Variants in WDR47 observed in about 807,000 individuals in gnomAD.
WDR47 encodes WD repeat-containing protein 47.
A neutral mutation model predicts 97.2 loss-of-function variants in WDR47; 32 were observed. The observed-to-expected ratio is 0.33, with a 90% confidence interval of 0.25 to 0.44. WDR47 has a LOEUF of 0.44. Ranked by LOEUF, WDR47 falls within the 20% of genes least tolerant of loss-of-function variation. WDR47 has a pLI of 1.00. For missense variants in WDR47, 782 were observed against 1,102.3 expected, an observed-to-expected ratio of 0.71 and a Z score of 4.11; for synonymous variants, 375 against 373.5, an observed-to-expected ratio of 1.00 and a Z score of -0.05.
Position 109,026,349 on chromosome 1 carries a change from C to CT in WDR47, c.-9-2829dup, listed in dbSNP as rs57431054. 1.2e-4 allele frequency among the ~76,000 whole-genome samples: 18 copies of CT among 145,774 alleles called. No homozygotes were observed. The East Asian group carries it at 2.2e-3, about 18-fold the overall frequency. ...TACAGGGATGAGCCACCGTGCCCAC[C>CT]TTTTTTTTTTTTTCAGGTTATCCGT... On this transcript the variant is annotated intron_variant, in intron 1 of 14. Transcript: ENST00000369962.
At chr1:109,029,082 T>C (rs1662431362) in intron 1 of WDR47, among the ~76,000 whole-genome samples, 1 of 152,178 alleles carries the variant, frequency 6.6e-6, no homozygotes, top group South Asian at 2.1e-4. Context: ...TAGATACAAT[T>C]AACATACACT....
At chr1:109,019,429 T>TC (rs1361271082) in intron 2 of WDR47, among the ~76,000 whole-genome samples, 1 of 147,052 alleles carries the variant, frequency 6.8e-6, no homozygotes, top group Admixed American at 6.8e-5. Context: ...ACACCTGTAA[T>TC]CCCAACATGT....
chr1:108,986,365 G>GA (rs1658807541), intron 10 of WDR47, among the ~76,000 whole-genome samples, 158 bp downstream of exon 10: 1 of 152,140 alleles, frequency 6.6e-6, no homozygotes, highest in African/African-American at 2.4e-5. Flanking sequence ...CCTAAGCACT[G>GA]AAAGTAAAAA....
chr1:108,984,158 T>C (rs1055739147), intron 10 of WDR47, among the ~76,000 whole-genome samples: 5 of 152,246 alleles, frequency 3.3e-5, no homozygotes, highest in African/African-American at 9.6e-5. Flanking sequence ...ATGTGGTGGG[T>C]GAGGCACTGC....
At chr1:109,023,973 T>C (rs1271177644) in intron 1 of WDR47, among the ~76,000 whole-genome samples, 2 of 152,206 alleles carry the variant, frequency 1.3e-5, no homozygotes, top group Admixed American at 6.5e-5. Context: ...ATGTCCCAAA[T>C]ACATTGTCCC....
intron 2 of WDR47, 29 bp from the exon 3 acceptor site, chr1:109,017,630 T>A: frequency 6.3e-7 from 1 of 1,575,764 alleles, no homozygotes. Flanking sequence ...AAAACCAGCA[T>A]GTCACCAAAT....
intron 7 of WDR47, among the ~76,000 whole-genome samples, chr1:109,001,442 CA>C (rs909396984): frequency 7.3e-5 from 11 of 151,542 alleles, no homozygotes; most frequent in East Asian, 1.9e-4. Context: ...TACAGCAAAT[CA>C]AAAAAAATCT....
chr1:108,992,918 A>T, intron 8 of WDR47: 1 of 1,002,482 alleles, frequency 1.0e-6, no homozygotes, highest in South Asian at 1.4e-5. Flanking sequence ...TTGCTAAATA[A>T]TATTTTTTTA....
At chr1:108,977,153 G>GT (rs1405218053) in intron 13 of WDR47, among the ~76,000 whole-genome samples, 2 of 151,898 alleles carry the variant, frequency 1.3e-5, no homozygotes, top group Non-Finnish European at 2.9e-5. Flanking sequence ...AGGTAACTGG[G>GT]TTTTTTTCTT....
chr1:109,020,144 T>C (rs1039455861), intron 2 of WDR47, among the ~76,000 whole-genome samples: 3 of 151,914 alleles, frequency 2.0e-5, no homozygotes, highest in Non-Finnish European at 4.4e-5. Flanking sequence ...CTGTATATCA[T>C]AATCATTTTA....
chr1:109,028,332 G>A (rs1052106755), intron 1 of WDR47, among the ~76,000 whole-genome samples: 1 of 141,598 alleles, frequency 7.1e-6, no homozygotes, highest in African/African-American at 2.6e-5. Context: ...CCACAGGCAT[G>A]TGCCACTGGG....
chr1:109,030,162 A>G, intron 1 of WDR47: 3 of 1,365,782 alleles, frequency 2.2e-6, no homozygotes. Flanking sequence ...TTCCTACTTC[A>G]TGGGTGTGAA....
At chr1:109,006,232 T>C (rs1428301417) in intron 5 of WDR47, among the ~76,000 whole-genome samples, 1 of 152,050 alleles carries the variant, frequency 6.6e-6, no homozygotes, top group Non-Finnish European at 1.5e-5. Flanking sequence ...CCGTCTCTAC[T>C]AAAAATACAA....
At chr1:109,036,613 G>C (rs1456297803) in intron 1 of WDR47, among the ~76,000 whole-genome samples, 1 of 151,410 alleles carries the variant, frequency 6.6e-6, no homozygotes, top group Non-Finnish European at 1.5e-5. Context: ...GAGGCAAGCG[G>C]ATCACGGGGT....
At chr1:108,990,194 T>G (rs1314308513) in intron 9 of WDR47, among the ~76,000 whole-genome samples, 1 of 151,994 alleles carries the variant, frequency 6.6e-6, no homozygotes, top group African/African-American at 2.4e-5. Flanking sequence ...ACACCATGTC[T>G]CTATTAATAT....
intron 5 of WDR47, among the ~76,000 whole-genome samples, chr1:109,005,499 G>C (rs888546317): frequency 2.6e-5 from 4 of 152,136 alleles, no homozygotes; most frequent in Non-Finnish European, 4.4e-5. Context: ...CCACAAAAAG[G>C]GTTTTAAAAA....
intron 5 of WDR47, 106 bp from the exon 6 acceptor site, chr1:109,004,821 A>T: frequency 7.6e-7 from 1 of 1,324,046 alleles, no homozygotes; most frequent in East Asian, 2.8e-5. Context: ...TTTGAGATGG[A>T]GTCTCTCTCT....
rs56318868 is a variant in WDR47 at position 109,031,795 on chromosome 1, C to CT, written c.-9-8275dup. Among the ~76,000 whole-genome samples the CT allele has an allele frequency of 4.2e-4, 33 of 78,362 alleles. 7 individuals are homozygous for CT. Among genetic ancestry groups the CT allele is most frequent in the Non-Finnish European group, 6.7e-4 (25 of 37,066 alleles). 51.4% of individuals were successfully genotyped at this position (78,362 alleles called of 152,430 possible). A position where few individuals can be genotyped will look rare whatever the true frequency, so the allele number is the denominator to read the frequency against. ...TTGAATATCATTTCAATCTTTCTTT[C>CT]TTTTTTTTTTTTTTTTTTTTTTAAG... On this transcript the variant is annotated intron_variant, in intron 1 of 14. Transcript: ENST00000369962.
chr1:109,015,665 G>T (rs1302866852), intron 3 of WDR47, among the ~76,000 whole-genome samples: 2 of 151,194 alleles, frequency 1.3e-5, no homozygotes, highest in Non-Finnish European at 2.9e-5. Context: ...TGAAAAGCTG[G>T]CACAACTAGA....
Sources: gnomAD v4.1 joint callset for allele counts (sites outside exome capture counted in the v4.1 genomes callset) on GRCh38, gnomAD v4.1.1 for gene constraint, MANE v1.5 for transcripts, NCBI Gene and HGNC (gene_info 2026-07-23, HGNC 2026-07-21) for gene names.